The following PHF14 variants were observed in gnomAD, a reference collection of about 807,000 sequenced individuals.
The protein encoded by PHF14 is PHD finger protein 14.
A neutral mutation model predicts 117.9 loss-of-function variants in PHF14; 55 were observed. The ratio of observed to expected loss-of-function variants is 0.47; its 90% confidence interval spans 0.38 to 0.58. The LOEUF is 0.58. Ranked by LOEUF, PHF14 falls within the 20% of genes least tolerant of loss-of-function variation. PHF14 has a pLI of 0.00. For synonymous variants in PHF14, 409 were observed against 368.6 expected (o/e 1.11, Z -1.26); for missense variants, 978 against 1,122.2 (o/e 0.87, Z 1.84).
Position 11,037,044 on chromosome 7 carries a change from G to T in PHF14, c.1933G>T (p.Asp645Tyr). The stretch of plus-strand genomic sequence containing the variant: ...TATGGCTGAACAAAAGAATATAAAA[G>T]ATAAATTAGAGAATGAACAAGAAAA... ...ENMAEQKNIK[D>Y]KLENEQEKLH... Residue 645 changes from aspartate to tyrosine, a missense_variant, in exon 10 of 18, where the codon GAT becomes TAT. Asp to Tyr is a radical substitution (Grantham distance 160, BLOSUM62 -3). This residue lies in a region of PHF14 where 237 missense variants were observed against 276.4 expected (regional missense o/e 0.86). Coordinates refer to ENST00000634607, the MANE Select transcript of PHF14 (RefSeq NM_001007157.2). The T allele has an allele frequency of 6.6e-7, 1 of 1,508,024 alleles. No homozygotes were observed. Among genetic ancestry groups the T allele is most frequent in the South Asian group, 1.2e-5 (1 of 82,588 alleles). 93.4% of individuals were successfully genotyped at this position (1,508,024 alleles called of 1,614,324 possible). A position where few individuals can be genotyped will look rare whatever the true frequency, so the allele number is the denominator to read the frequency against.
intron 17 of PHF14, among the ~76,000 whole-genome samples, chr7:11,115,306 C>G (rs1420346383): frequency 6.6e-6 from 1 of 152,002 alleles, no homozygotes; most frequent in Non-Finnish European, 1.5e-5. Context: ...ATTCTGCTTA[C>G]TAGAGCCCTC....
At chr7:11,112,398 A>G (rs1787477121) in intron 17 of PHF14, among the ~76,000 whole-genome samples, 1 of 152,214 alleles carries the variant, frequency 6.6e-6, no homozygotes, top group Admixed American at 6.6e-5. Context: ...CTTCTGCAAA[A>G]GTTTATTTAT....
chr7:11,071,514 C>G (rs1427037350), intron 16 of PHF14, among the ~76,000 whole-genome samples: 1 of 152,140 alleles, frequency 6.6e-6, no homozygotes, highest in Non-Finnish European at 1.5e-5. Context: ...TAAAAAACAA[C>G]TCTAGTGGTA....
rs769160852 is a variant in PHF14, at chr7:11,061,816, T to A, written c.2507T>A (p.Phe836Tyr). 9.8e-6 allele frequency: 15 copies of A among 1,526,176 alleles called. No individual in the cohort carries two copies. The highest frequency in any genetic ancestry group is 1.3e-5 in the Non-Finnish European group (15 of 1,137,526). The allele number at this position is 1,526,176 out of a possible 1,614,324, so 94.5% of individuals were successfully genotyped here. A position where few individuals can be genotyped will look rare whatever the true frequency, so the allele number is the denominator to read the frequency against. The change falls in exon 15 of 18, where the codon TTC (phenylalanine) becomes TAC (tyrosine). Residue 836 changes from phenylalanine to tyrosine, a missense_variant. Phe to Tyr is a conservative substitution (Grantham distance 22). Coordinates refer to ENST00000634607, the MANE Select transcript of PHF14 (RefSeq NM_001007157.2). The stretch of plus-strand genomic sequence containing the variant: ...AGAACCAGAGGACGAAAACGAAGCT[T>A]CGTTCCTGAGGAAGAAAAACATGAG... ...NTRTRGRKRS[F>Y]VPEEEKHEER... is the part of the protein sequence containing the mutation.
intron 16 of PHF14, among the ~76,000 whole-genome samples, chr7:11,077,488 C>T (rs908044693): frequency 2.0e-5 from 3 of 151,000 alleles, no homozygotes; most frequent in Admixed American, 1.3e-4. Flanking sequence ...GTAGTCCCAG[C>T]TACTCAGGAG....
At chr7:11,002,105 C>T (rs1000643856) in intron 4 of PHF14, among the ~76,000 whole-genome samples, 1 of 151,402 alleles carries the variant, frequency 6.6e-6, no homozygotes, top group Non-Finnish European at 1.5e-5. Context: ...AGTGCAGTGG[C>T]GCAATTTCGG....
chr7:11,052,192 A>G (rs1784869989), intron 14 of PHF14, among the ~76,000 whole-genome samples: 1 of 152,212 alleles, frequency 6.6e-6, no homozygotes, highest in African/African-American at 2.4e-5. Flanking sequence ...TATAAATAAT[A>G]CATGGTTTAT....
chr7:11,136,385 T>C (rs1441371107), intron 17 of PHF14, among the ~76,000 whole-genome samples: 1 of 152,212 alleles, frequency 6.6e-6, no homozygotes, highest in Non-Finnish European at 1.5e-5. Context: ...TTTATCTCTT[T>C]ATTTTAGCAT....
In PHF14 at chr7:10,983,058, G is replaced by T. The variant is rs747207586; in HGVS notation, c.799G>T (p.Gly267Cys). The T allele has an allele frequency of 8.1e-6, 13 of 1,597,454 alleles. No homozygotes were observed. The highest frequency in any genetic ancestry group is 3.4e-5 in the Admixed American group (2 of 59,368). The change falls in exon 3 of 18, where the codon GGT becomes TGT. Residue 267 changes from glycine (G) to cysteine (C), a missense_variant. Coordinates refer to ENST00000634607, the MANE Select transcript of PHF14 (RefSeq NM_001007157.2). Reference sequence around the variant, plus strand: ...TCATAGTAGCCCTGCCAGTGAAGGGGGTTGCAAGAAGAAGAAGAGTAAAGT... The same window carrying T: ...TCATAGTAGCCCTGCCAGTGAAGGGTGTTGCAAGAAGAAGAAGAGTAAAGT... ...EDHSSPASEGGCKKKKSKVLS... is the reference protein window; with the variant it reads ...EDHSSPASEGCCKKKKSKVLS...
intron 3 of PHF14, among the ~76,000 whole-genome samples, chr7:10,984,086 T>C (rs1782135967): frequency 6.6e-6 from 1 of 152,312 alleles, no homozygotes; most frequent in Middle Eastern, 3.4e-3. Context: ...AATTTATTTC[T>C]TTACCAAACA....
intron 16 of PHF14, chr7:11,104,966 C>T: frequency 1.1e-6 from 1 of 926,918 alleles, no homozygotes; most frequent in Non-Finnish European, 1.3e-6. Flanking sequence ...TAGATTTCCT[C>T]TAGATAAAAG....
chr7:10,975,726 T>C (rs1268009198), intron 2 of PHF14, among the ~76,000 whole-genome samples: 3 of 152,178 alleles, frequency 2.0e-5, no homozygotes, highest in Admixed American at 6.5e-5. Flanking sequence ...TTCCACCTCT[T>C]TTGAAAATTT....
chr7:11,154,273 T>C (rs937699315), intron 17 of PHF14, among the ~76,000 whole-genome samples: 1 of 151,900 alleles, frequency 6.6e-6, no homozygotes, highest in Non-Finnish European at 1.5e-5. Flanking sequence ...CACTTGAGTA[T>C]GTGTGTGTGT....
chr7:11,025,609 C>T (rs867550677), intron 6 of PHF14, among the ~76,000 whole-genome samples: 2 of 151,148 alleles, frequency 1.3e-5, no homozygotes, highest in South Asian at 2.1e-4. Flanking sequence ...CCGGGTAACA[C>T]GGTGAAACCC....
At chr7:11,100,094 A>G (rs1005538645) in intron 16 of PHF14, among the ~76,000 whole-genome samples, 4 of 152,034 alleles carry the variant, frequency 2.6e-5, no homozygotes, top group Non-Finnish European at 4.4e-5. Flanking sequence ...TTTTTCTTTC[A>G]TTTTTAAATT....
intron 4 of PHF14, among the ~76,000 whole-genome samples, chr7:11,000,334 C>CTTTTTTT (rs71023882): frequency 5.0e-5 from 3 of 60,368 alleles, no homozygotes; most frequent in African/African-American, 6.6e-5. Flanking sequence ...GCTTATTTGC[C>CTTTTTTT]TTTTTTTTTT....
chr7:11,092,665 T>C (rs954207019), intron 16 of PHF14, among the ~76,000 whole-genome samples: 6 of 152,306 alleles, frequency 3.9e-5, no homozygotes, highest in African/African-American at 1.4e-4. Flanking sequence ...ATATCACTCA[T>C]CTAAACCCAG....
At chr7:11,091,303 G>C (rs1251081775) in intron 16 of PHF14, among the ~76,000 whole-genome samples, 1 of 152,168 alleles carries the variant, frequency 6.6e-6, no homozygotes, top group Non-Finnish European at 1.5e-5. Flanking sequence ...ATGACTTTAA[G>C]CTGAATAATG....
intron 17 of PHF14, among the ~76,000 whole-genome samples, chr7:11,126,385 T>C (rs78584567): frequency 0.018 from 2,689 of 152,194 alleles, 80 homozygotes; most frequent in East Asian, 0.12. Context: ...ATAAGCAGGC[T>C]AAGTGCTGTA....
Sources: allele counts gnomAD v4.1 joint callset (sites outside exome capture counted in the v4.1 genomes callset), GRCh38; gene constraint gnomAD v4.1.1; regional missense constraint gnomAD v4.1.1; transcripts MANE v1.5; gene names NCBI Gene and HGNC (gene_info 2026-07-23, HGNC 2026-07-21).